SCAP: variants seen among roughly 807,000 people sequenced by gnomAD.
SCAP encodes sterol regulatory element-binding protein cleavage-activating protein.
Under a neutral mutation model 123.6 loss-of-function variants are expected in SCAP, and 65 were observed. The observed-to-expected ratio is 0.53, with a 90% CI of 0.43 to 0.65. The LOEUF (loss-of-function observed/expected upper bound fraction) is 0.65, where lower values mean the gene tolerates loss of function less well. SCAP is among the 30% of genes least tolerant of loss of function. The pLI, the probability that SCAP is intolerant of heterozygous loss-of-function variation, is 0.00. For synonymous variants in SCAP, 740 were observed against 726.3 expected (o/e 1.02, Z -0.30); for missense variants, 1,398 against 1,712.5 (o/e 0.82, Z 3.24).
chr3:47,447,625 C>T (rs1414636901), intron 1 of SCAP, among the ~76,000 whole-genome samples: 1 of 151,240 alleles, frequency 6.6e-6, no homozygotes, highest in East Asian at 1.9e-4. Context: ...GAGGCGGAGG[C>T]CACAGTGAGC....
At position 47,414,599 on chromosome 3, in the gene SCAP, C is replaced by T. The variant is rs34950272; in HGVS notation, c.3360G>A (p.Gly1120=). 7.5e-4 allele frequency: 1,216 copies of T among 1,613,306 alleles called. 16 individuals carry two copies. Among genetic ancestry groups the T allele is most frequent in the Middle Eastern group, 1.6e-4 (1 of 6,084 alleles). The part of the protein sequence containing the change: ...CCLFTLQGHS[G]AITTVYIDQT... ...GGTCAATGTACACGGTCGTGATGGC[C>T]CCTGAGTGGCCCTGAAGGGTGAAGA... The change falls in exon 21 of 23, where the codon GGG becomes GGA. Residue 1120 remains glycine, a synonymous_variant. Transcript: ENST00000265565.
chr3:47,447,299 G>T (rs1162143248), intron 1 of SCAP, among the ~76,000 whole-genome samples: 1 of 152,088 alleles, frequency 6.6e-6, no homozygotes, highest in Admixed American at 6.6e-5. Context: ...TACTTGGTAC[G>T]CTGAGAATCA....
intron 1 of SCAP, among the ~76,000 whole-genome samples, chr3:47,473,080 C>CAAAAAAAAAAAAAAAAAAAACAAAAAA (rs34472664): frequency 2.6e-5 from 1 of 38,060 alleles, no homozygotes; most frequent in African/African-American, 1.2e-4. Context: ...AACTCCATCT[C>CAAAAAAAAAAAAAAAAAAAACAAAAAA]AAAAAAAAAA....
chr3:47,432,410 CT>C (rs969582649), intron 3 of SCAP, among the ~76,000 whole-genome samples: 22 of 151,534 alleles, frequency 1.5e-4, no homozygotes, highest in African/African-American at 4.6e-4. Flanking sequence ...GATTGCCCCC[CT>C]ATGTCTCTTT....
rs376688862 is a variant in SCAP at position 47,458,025 on chromosome 3, C to T, written c.-98-14934G>A. 8.7e-4 allele frequency among the ~76,000 whole-genome samples: 133 copies of T among 152,312 alleles called. 1 individual carries two copies. The highest frequency in any genetic ancestry group is 1.5e-3 in the East Asian group (8 of 5,186). On this transcript the variant is annotated intron_variant, in intron 1 of 22. Transcript: ENST00000265565. ...AAAAAAGGTCGGGCACGGTGGCTCA[C>T]GCCTGTAATCCCAGAACTTTGGGAG...
Position 47,413,779 on chromosome 3 carries a change from C to G in SCAP, c.*75G>C. On this transcript the variant is annotated 3_prime_UTR_variant, in exon 23 of 23. Coordinates refer to ENST00000265565, the MANE Select transcript of SCAP (RefSeq NM_012235.4). ...GCGGCTGGAAGATACTCGGCTCTTTCCCCCAAGTCCAGGTTCAGTGCATTG... is the reference window on the plus strand; with the variant it reads ...GCGGCTGGAAGATACTCGGCTCTTTGCCCCAAGTCCAGGTTCAGTGCATTG... The G allele has an allele frequency of 1.3e-6, 2 of 1,536,478 alleles. No individual in the cohort carries two copies. The highest frequency in any genetic ancestry group is 1.8e-6 in the Non-Finnish European group (2 of 1,139,418).
At chr3:47,454,129 T>G (rs951018620) in intron 1 of SCAP, among the ~76,000 whole-genome samples, 4 of 151,204 alleles carry the variant, frequency 2.6e-5, no homozygotes, top group African/African-American at 9.7e-5. Context: ...GCACTTTGGG[T>G]GGCCGAGGCG....
chr3:47,445,868 G>A (rs1005858020), intron 1 of SCAP, among the ~76,000 whole-genome samples: 12 of 146,672 alleles, frequency 8.2e-5, no homozygotes, highest in Non-Finnish European at 1.6e-4. Flanking sequence ...ACCACACCCT[G>A]TCTCAATTTT....
chr3:47,449,131 T>C (rs908738329), intron 1 of SCAP, among the ~76,000 whole-genome samples: 3 of 152,224 alleles, frequency 2.0e-5, no homozygotes, highest in Non-Finnish European at 2.9e-5. Context: ...GCAGAACTAC[T>C]TGAGCAGTAA....
intron 1 of SCAP, among the ~76,000 whole-genome samples, chr3:47,447,824 CAG>C (rs1435661243): frequency 1.3e-5 from 2 of 151,742 alleles, no homozygotes; most frequent in Non-Finnish European, 2.9e-5. Context: ...CTGGCCAACA[CAG>C]TGAAACCCCG....
intron 2 of SCAP, among the ~76,000 whole-genome samples, chr3:47,436,162 C>T (rs959199270): frequency 6.6e-6 from 1 of 152,054 alleles, no homozygotes; most frequent in Non-Finnish European, 1.5e-5. Context: ...GTGGGGGTAC[C>T]TTTAAAAATC....
At chr3:47,418,626 T>TGCCCCCC in intron 14 of SCAP, 29 bp downstream of exon 14, 32 of 1,459,412 alleles carry the variant, frequency 2.2e-5, no homozygotes, top group Middle Eastern at 1.8e-4. Flanking sequence ...CCGCACTCTT[T>TGCCCCCC]CCCACCCCAC....
At chr3:47,435,227 T>C in intron 2 of SCAP, 90 bp from the exon 3 acceptor site, 1 of 1,408,876 alleles carries the variant, frequency 7.1e-7, no homozygotes, top group Non-Finnish European at 9.5e-7. Flanking sequence ...AGTTAATAAC[T>C]AAATTCTGTC....
In SCAP at chr3:47,422,468, A is replaced by T. The variant is rs1360518835; in HGVS notation, c.1219T>A (p.Tyr407Asn). The change falls in exon 10 of 23, where the codon TAC becomes AAC. Residue 407 changes from tyrosine (Y) to asparagine (N), a missense_variant. This residue lies in a region of SCAP where 66 missense variants were observed against 116.3 expected (regional missense o/e 0.57). Transcript: ENST00000265565. ...ATELGIILIG[Y>N]FTLVPAIQEF... ...TGGATGGCGGGCACTAGGGTGAAGT[A>T]GCCGATGAGGATGATGCCCAGCTCC... 6.2e-7 allele frequency: 1 copy of T among 1,613,840 alleles called. No homozygotes were observed. The highest frequency in any genetic ancestry group is 8.5e-7 in the Non-Finnish European group (1 of 1,179,874).
At position 47,446,457 on chromosome 3, in the gene SCAP, C is replaced by T. The variant is rs530842802; in HGVS notation, c.-98-3366G>A. 3.3e-5 allele frequency among the ~76,000 whole-genome samples: 5 copies of T among 152,336 alleles called. No individual in the cohort carries two copies. The East Asian group carries it at 9.6e-4, about 29-fold the overall frequency. On this transcript the variant is annotated intron_variant, in intron 1 of 22. Transcript: ENST00000265565. Reference sequence around the variant, plus strand: ...AAGGGCTGGGATTACAGGCGTGAGCCACCGTGCCTGGCCCCCCTCAATTCT... The same window carrying T: ...AAGGGCTGGGATTACAGGCGTGAGCTACCGTGCCTGGCCCCCCTCAATTCT...
At chr3:47,416,362 C>T (rs1313699218) in intron 18 of SCAP, among the ~76,000 whole-genome samples, 4 of 152,262 alleles carry the variant, frequency 2.6e-5, no homozygotes, top group South Asian at 4.1e-4. Context: ...AGGCCAAGCA[C>T]GACAGAGGCA....
At chr3:47,450,516 T>C (rs565474471) in intron 1 of SCAP, among the ~76,000 whole-genome samples, 1 of 121,734 alleles carries the variant, frequency 8.2e-6, no homozygotes, top group Admixed American at 9.1e-5. Flanking sequence ...GCAGGGTTTT[T>C]TTTTTTTTTT....
At position 47,414,891 on chromosome 3, in the gene SCAP, G is replaced by T. The variant is rs754017523; in HGVS notation, c.3242C>A (p.Pro1081His). ...THTVPCAHQKPITALKAAAGR... is the reference protein window; with the variant it reads ...THTVPCAHQKHITALKAAAGR... The stretch of plus-strand genomic sequence containing the variant: ...AGCAGCGGCTTTCAGGGCTGTGATG[G>T]GTTTTTGGTGTGCACAGGGCACTGT... The change falls in exon 20 of 23, where the codon CCC becomes CAC. Residue 1081 changes from proline (P) to histidine (H), a missense_variant. This residue lies in a region of SCAP where 828 missense variants were observed against 882.5 expected (regional missense o/e 0.94). Coordinates refer to ENST00000265565, the MANE Select transcript of SCAP (RefSeq NM_012235.4). The T allele has an allele frequency of 3.1e-6, 5 of 1,612,720 alleles. No individual in the cohort carries two copies. Among genetic ancestry groups the T allele is most frequent in the Non-Finnish European group, 4.2e-6 (5 of 1,179,834 alleles).
In SCAP at chr3:47,418,709, G is replaced by C. The variant is rs757133959; in HGVS notation, c.2075C>G (p.Ala692Gly). The part of the protein sequence containing the change: ...PGPIPAGHWE[A>G]GPKGPGGVQA... Reference sequence around the variant, plus strand: ...CACCCCACCTGGGCCCTTGGGTCCTGCTTCCCAGTGCCCAGCAGGTATGGG... The same window carrying C: ...CACCCCACCTGGGCCCTTGGGTCCTCCTTCCCAGTGCCCAGCAGGTATGGG... The change falls in exon 14 of 23, where the codon GCA (alanine) becomes GGA (glycine). Residue 692 changes from alanine (A) to glycine (G), a missense_variant. Physicochemically the swap from Ala to Gly is moderately conservative, Grantham distance 60. Around this residue, in one of 7 missense-constraint regions of SCAP, gnomAD observed 828 missense variants for 882.5 expected, o/e 0.94. Coordinates refer to ENST00000265565, the MANE Select transcript of SCAP (RefSeq NM_012235.4). The C allele has an allele frequency of 3.7e-6, 6 of 1,606,550 alleles. No individual in the cohort carries two copies. The highest frequency in any genetic ancestry group is 5.1e-6 in the Non-Finnish European group (6 of 1,178,604).
Sources: gnomAD v4.1 joint callset for allele counts (sites outside exome capture counted in the v4.1 genomes callset) on GRCh38, gnomAD v4.1.1 for gene constraint, gnomAD v4.1.1 regional missense constraint, MANE v1.5 for transcripts, NCBI Gene and HGNC (gene_info 2026-07-23, HGNC 2026-07-21) for gene names.